The following ALDH9A1 variants were observed in gnomAD, a reference collection of about 807,000 sequenced individuals.
ALDH9A1 encodes the protein aldehyde dehydrogenase 9 family member A1, also known as 4-trimethylaminobutyraldehyde dehydrogenase.
Under a neutral mutation model 56.6 loss-of-function variants are expected in ALDH9A1, and 42 were observed. That is an observed-to-expected ratio of 0.74 (90% CI 0.58 to 0.96). The LOEUF is 0.96. Among genes scored for constraint, ALDH9A1 ranks in the 40% least tolerant of loss-of-function variants. ALDH9A1 has a pLI of 0.00. For synonymous variants in ALDH9A1, 242 were observed against 236.0 expected (o/e 1.03, Z -0.23); for missense variants, 661 against 651.5 (o/e 1.01, Z -0.16).
chr1:165,679,016 C>T (rs955366121), intron 6 of ALDH9A1, among the ~76,000 whole-genome samples: 1 of 152,150 alleles, frequency 6.6e-6, no homozygotes, highest in African/African-American at 2.4e-5. Context: ...GGACATTAGT[C>T]AAACAAGTGG....
At position 165,698,547 on chromosome 1, in the gene ALDH9A1, T is replaced by C; in HGVS notation, c.12A>G (p.Arg4=). MFL[R]AGLAALSPLL... The stretch of plus-strand genomic sequence containing the variant: ...GCGGGGAGAGCGCGGCCAGGCCTGC[T>C]CGGAGAAACATGAGTGGCGGACGCA... The change falls in exon 1 of 11, where the codon CGA becomes CGG. Residue 4 remains arginine (R), a synonymous_variant. Coordinates refer to ENST00000354775, the MANE Select transcript of ALDH9A1 (RefSeq NM_000696.4). 6.2e-7 allele frequency: 1 copy of C among 1,605,444 alleles called. No homozygotes were observed. Among genetic ancestry groups the C allele is most frequent in the Non-Finnish European group, 8.5e-7 (1 of 1,177,506 alleles).
In ALDH9A1 at chr1:165,698,453, G is replaced by C. The variant is rs1408400381; in HGVS notation, c.106C>G (p.Leu36Val). 6.2e-7 allele frequency: 1 copy of C among 1,606,738 alleles called. No homozygotes were observed. Among genetic ancestry groups the C allele is most frequent in the Non-Finnish European group, 8.5e-7 (1 of 1,177,196 alleles). The change falls in exon 1 of 11, where the codon CTC becomes GTC. Residue 36 changes from leucine to valine, a missense_variant. Leu to Val is a conservative substitution (Grantham distance 32, BLOSUM62 1). Transcript: ENST00000354775. The part of the protein sequence containing the change: ...STGTFVVSQP[L>V]NYRGGARVEP... ...ACGCGGGCCCCGCCGCGGTAATTGA[G>C]CGGCTGCGACACGACGAAGGTGCCA...
rs1375945559 is a variant in ALDH9A1 at position 165,669,428 on chromosome 1, A to G, written c.953T>C (p.Val318Ala). ...QGQVCCNGTR[V>A]FVQKEILDKF... is the part of the protein sequence containing the mutation. ...ATCAAGAATTTCTTTCTGCACAAAT[A>G]CTCTTGTGCCATTACAGCAAACCTA... Residue 318 changes from valine (V) to alanine (A), a missense_variant, in exon 7 of 11, where the codon GTA becomes GCA. Physicochemically the swap from Val to Ala is moderately conservative, Grantham distance 64 (BLOSUM62 0). Transcript: ENST00000354775. 2 of 1,613,020 alleles carry G rather than the reference A, an allele frequency of 1.2e-6. No homozygotes were observed. Among genetic ancestry groups the G allele is most frequent in the Non-Finnish European group, 1.7e-6 (2 of 1,179,566 alleles).
At chr1:165,682,282 C>T (rs370991627) in intron 3 of ALDH9A1, 41 bp from the exon 4 acceptor site, 6 of 1,600,758 alleles carry the variant, frequency 3.7e-6, no homozygotes, top group Non-Finnish European at 5.1e-6. Context: ...CAGGTCTGTG[C>T]TCCCCAAGAT....
At chr1:165,694,811 C>G (rs1650013270) in intron 2 of ALDH9A1, among the ~76,000 whole-genome samples, 1 of 151,950 alleles carries the variant, frequency 6.6e-6, no homozygotes. Flanking sequence ...CAAAAATTAG[C>G]CAGGCATGGT....
chr1:165,673,898 A>G (rs1169745264), intron 6 of ALDH9A1, among the ~76,000 whole-genome samples: 1 of 152,136 alleles, frequency 6.6e-6, no homozygotes, highest in Non-Finnish European at 1.5e-5. Context: ...ACTGGACTGC[A>G]TTCCCAAGAA....
chr1:165,694,550 A>T (rs1021633807), intron 2 of ALDH9A1, among the ~76,000 whole-genome samples: 1 of 152,196 alleles, frequency 6.6e-6, no homozygotes, highest in African/African-American at 2.4e-5. Context: ...AATCTTCCCA[A>T]TTAAAGTAAC....
At chr1:165,668,673 A>T (rs952084267) in intron 8 of ALDH9A1, 5 of 326,304 alleles carry the variant, frequency 1.5e-5, no homozygotes, top group Admixed American at 9.4e-5. Flanking sequence ...ATGCACTTTC[A>T]TATTTTTGAG....
In ALDH9A1 at chr1:165,665,083, G is replaced by A. The variant is rs1175125657; in HGVS notation, c.1397C>T (p.Thr466Met). ...GACGTTATAGTTGTTAATGAAGCAC[G>A]TCCCAGCCTGAAGCTCAGCTACCAC... is the stretch of plus-strand genomic sequence containing the variant. ...HRVVAELQAG[T>M]CFINNYNVSP... The change falls in exon 10 of 11, where the codon ACG (threonine) becomes ATG (methionine). Residue 466 changes from threonine to methionine, a missense_variant. Coordinates refer to ENST00000354775, the MANE Select transcript of ALDH9A1 (RefSeq NM_000696.4). The A allele has an allele frequency of 3.1e-6, 5 of 1,613,722 alleles. No individual in the cohort carries two copies. Among genetic ancestry groups the A allele is most frequent in the African/African-American group, 2.7e-5 (2 of 74,838 alleles).
chr1:165,697,017 A>T (rs1199221544), intron 1 of ALDH9A1, among the ~76,000 whole-genome samples: 1 of 152,184 alleles, frequency 6.6e-6, no homozygotes, highest in Non-Finnish European at 1.5e-5. Context: ...GTCCCCTGCA[A>T]ATCAGTTTTA....
chr1:165,679,239 G>C lies in ALDH9A1; in HGVS notation c.930+203C>G, dbSNP rs575559730. Among the ~76,000 whole-genome samples the C allele has an allele frequency of 1.6e-3, 240 of 152,282 alleles. 1 individual carries two copies. The highest frequency in any genetic ancestry group is 5.6e-3 in the African/African-American group (233 of 41,564). On this transcript the variant is annotated intron_variant, in intron 6 of 10. Transcript: ENST00000354775. ...ACTTAATATGCCTACGTATGTACAG[G>C]CAGATAAAGAAGATGATAAAGTGAA...
chr1:165,680,789 C>T, intron 4 of ALDH9A1, 106 bp from the exon 5 acceptor site: 1 of 1,089,900 alleles, frequency 9.2e-7, no homozygotes, highest in Non-Finnish European at 1.3e-6. Flanking sequence ...GTTTCCTCTT[C>T]CCCAACCAAA....
chr1:165,686,410 C>G (rs1319686176), intron 2 of ALDH9A1, among the ~76,000 whole-genome samples: 1 of 151,852 alleles, frequency 6.6e-6, no homozygotes, highest in Non-Finnish European at 1.5e-5. Flanking sequence ...AAAAGAGCTG[C>G]ACAGATAGAG....
At chr1:165,675,261 CTCTATA>C (rs888979746) in intron 6 of ALDH9A1, among the ~76,000 whole-genome samples, 1 of 151,420 alleles carries the variant, frequency 6.6e-6, no homozygotes, top group African/African-American at 2.4e-5. Flanking sequence ...CTCTCTCTCT[CTCTATA>C]TATATATAAA....
chr1:165,673,014 C>CACAT (rs57524117), intron 6 of ALDH9A1, among the ~76,000 whole-genome samples: 1 of 134,586 alleles, frequency 7.4e-6, no homozygotes, highest in African/African-American at 2.8e-5. Context: ...CACACACACA[C>CACAT]GGTTAAATTG....
chr1:165,674,767 G>T (rs1427835695), intron 6 of ALDH9A1, among the ~76,000 whole-genome samples: 1 of 151,590 alleles, frequency 6.6e-6, no homozygotes, highest in African/African-American at 2.4e-5. Context: ...CAAAGGAAAT[G>T]AAATCAGTAG....
chr1:165,692,357 T>C (rs1375661147), intron 2 of ALDH9A1, among the ~76,000 whole-genome samples: 1 of 152,218 alleles, frequency 6.6e-6, no homozygotes, highest in Non-Finnish European at 1.5e-5. Context: ...ATAAGCTACT[T>C]CAGCAAAGTC....
rs1020818861 is a variant in ALDH9A1, at chr1:165,667,432, A to G, written c.1226T>C (p.Met409Thr). The change falls in exon 9 of 11, where the codon ATG becomes ACG. Residue 409 changes from methionine to threonine, a missense_variant. Transcript: ENST00000354775. Reference protein sequence around the residue: ...PCVLTNCRDDMTCVKEEIFGP... With the variant: ...PCVLTNCRDDTTCVKEEIFGP... ...AAAGATCTCTTCCTTCACACAGGTC[A>G]TGTCGTCTCTGCAATTAGCTGCAAA... 4.3e-6 allele frequency: 7 copies of G among 1,613,934 alleles called. No homozygotes were observed. The African/African-American group carries it at 8.0e-5, about 18-fold the overall frequency.
At chr1:165,691,915 C>T (rs2101756876) in intron 2 of ALDH9A1, among the ~76,000 whole-genome samples, 1 of 152,326 alleles carries the variant, frequency 6.6e-6, no homozygotes, top group East Asian at 1.9e-4. Context: ...GCTGGTTCAA[C>T]ATACACAAAT....
Sources: allele counts gnomAD v4.1 joint callset (sites outside exome capture counted in the v4.1 genomes callset), GRCh38; gene constraint gnomAD v4.1.1; transcripts MANE v1.5; gene names NCBI Gene and HGNC (gene_info 2026-07-23, HGNC 2026-07-21).